The following CEP85L variants were observed in gnomAD, a reference collection of about 807,000 sequenced individuals.
The protein encoded by CEP85L is centrosomal protein of 85 kDa-like.
Under a neutral mutation model 100.3 loss-of-function variants are expected in CEP85L, and 60 were observed. The ratio of observed to expected loss-of-function variants is 0.60; its 90% confidence interval spans 0.49 to 0.74. The LOEUF (loss-of-function observed/expected upper bound fraction) is 0.74. Among genes scored for constraint, CEP85L ranks in the 30% least tolerant of loss-of-function variants. CEP85L has a pLI of 0.00. For missense variants in CEP85L, 973 were observed against 936.2 expected (o/e 1.04, Z -0.51); for synonymous variants, 319 against 322.7 (o/e 0.99, Z 0.12).
chr6:118,611,089 A>G (rs965890154), intron 2 of CEP85L, among the ~76,000 whole-genome samples: 6 of 152,176 alleles, frequency 3.9e-5, no homozygotes, highest in African/African-American at 1.4e-4. Flanking sequence ...AAAGGAAGAA[A>G]AAACACAAGA....
intron 6 of CEP85L, 24 bp downstream of exon 6, chr6:118,491,662 T>C (rs1774582436): frequency 6.2e-7 from 1 of 1,601,106 alleles, no homozygotes; most frequent in Admixed American, 1.7e-5. Context: ...GTTGACCTAA[T>C]TCAACTTTAT....
intron 1 of CEP85L, among the ~76,000 whole-genome samples, chr6:118,689,849 C>A (rs966703882): frequency 6.6e-6 from 1 of 151,874 alleles, no homozygotes; most frequent in African/African-American, 2.4e-5. Context: ...TATCTTCCCC[C>A]CTTCAGTGGA....
Position 118,480,522 on chromosome 6 carries a change from A to C in CEP85L, c.1746-9T>G, listed in dbSNP as rs775337232. ...CTACTTTTTGTTGCAAACTATTTCA[A>C]AAGACAATTATATGAAGAAAATAAG... On this transcript the variant is annotated splice_polypyrimidine_tract_variant and intron_variant, in intron 8 of 12. Coordinates refer to ENST00000368491, the MANE Select transcript of CEP85L (RefSeq NM_001042475.3). 5.9e-6 allele frequency: 9 copies of C among 1,530,092 alleles called. No individual in the cohort carries two copies. The Middle Eastern group carries it at 5.1e-4, about 86-fold the overall frequency. The allele number at this position is 1,530,092 out of a possible 1,614,324, so 94.8% of individuals were successfully genotyped here.
intron 3 of CEP85L, among the ~76,000 whole-genome samples, chr6:118,552,703 C>T (rs556181230): frequency 2.6e-5 from 4 of 150,988 alleles, no homozygotes; most frequent in Admixed American, 6.6e-5. Context: ...GAGGAAAGGA[C>T]GACAACCAAA....
chr6:118,519,291 T>C (rs1169840288), intron 4 of CEP85L, among the ~76,000 whole-genome samples: 5 of 151,672 alleles, frequency 3.3e-5, no homozygotes, highest in Admixed American at 2.6e-4. Context: ...CTGTCTCTAC[T>C]AAAAATACAG....
chr6:118,565,667 T>TA lies in CEP85L; in HGVS notation c.881dup (p.Arg295LysfsTer18). ...GCTCTGTAAGCCACATCTGAGTCCTTACGGAAGGCTGAATGGGAACTCCAC... is the reference window on the plus strand; with the variant it reads ...GCTCTGTAAGCCACATCTGAGTCCTTAACGGAAGGCTGAATGGGAACTCCAC... On this transcript the variant is annotated frameshift_variant, in exon 3 of 13. Coordinates refer to ENST00000368491, the MANE Select transcript of CEP85L (RefSeq NM_001042475.3). LOFTEE classifies it high-confidence loss of function. 6.2e-7 allele frequency: 1 copy of TA among 1,614,188 alleles called. No individual in the cohort carries two copies. Among genetic ancestry groups the TA allele is most frequent in the Non-Finnish European group, 8.5e-7 (1 of 1,180,034 alleles).
chr6:118,489,220 T>TCA (rs1182059995), intron 6 of CEP85L, among the ~76,000 whole-genome samples: 1 of 142,440 alleles, frequency 7.0e-6, no homozygotes, highest in East Asian at 2.1e-4. Flanking sequence ...TGAGCCAAGA[T>TCA]CACACCATTG....
At chr6:118,585,876 C>A (rs1053626950) in intron 2 of CEP85L, among the ~76,000 whole-genome samples, 3 of 152,100 alleles carry the variant, frequency 2.0e-5, no homozygotes, top group Admixed American at 6.5e-5. Flanking sequence ...CACCCACATG[C>A]CAAAGACAAA....
At chr6:118,547,709 AT>A (rs1778287657) in intron 3 of CEP85L, among the ~76,000 whole-genome samples, 1 of 152,178 alleles carries the variant, frequency 6.6e-6, no homozygotes, top group Non-Finnish European at 1.5e-5. Flanking sequence ...AAATACATTT[AT>A]TAGTTCTTTA....
chr6:118,670,609 T>C (rs1776275081), intron 1 of CEP85L, among the ~76,000 whole-genome samples: 1 of 151,756 alleles, frequency 6.6e-6, no homozygotes, highest in Admixed American at 6.6e-5. Flanking sequence ...TTCTGTAATC[T>C]CCTGGCTAGC....
In CEP85L at chr6:118,628,556, G is replaced by A. The variant is rs74492011; in HGVS notation, c.232+3897C>T. On this transcript the variant is annotated intron_variant, in intron 2 of 12. Transcript: ENST00000368491. ...ATAATTATTTAATTAAAAAAAAAAG[G>A]AGAAGAAGGCAGAGGCTGCAGCCAG... Among the ~76,000 whole-genome samples the A allele has an allele frequency of 3.7e-3, 558 of 150,118 alleles. 3 individuals are homozygous for A. Among genetic ancestry groups the A allele is most frequent in the African/African-American group, 0.013 (531 of 40,864 alleles).
intron 5 of CEP85L, chr6:118,502,173 A>C (rs570764357): frequency 2.9e-6 from 3 of 1,048,434 alleles, no homozygotes; most frequent in East Asian, 2.4e-5. Flanking sequence ...AAGAGGATAA[A>C]AGGAACAAAG....
intron 1 of CEP85L, among the ~76,000 whole-genome samples, chr6:118,686,839 T>C (rs2114287128): frequency 6.6e-6 from 1 of 152,308 alleles, no homozygotes; most frequent in Non-Finnish European, 1.5e-5. Context: ...GCAACCAGAA[T>C]GGACTTTTTA....
intron 3 of CEP85L, among the ~76,000 whole-genome samples, chr6:118,549,338 T>C (rs1323375333): frequency 1.3e-5 from 2 of 151,930 alleles, no homozygotes; most frequent in Non-Finnish European, 2.9e-5. Flanking sequence ...ATCAATTTTA[T>C]GACTTCTGTT....
chr6:118,621,770 G>A (rs1019607369), intron 2 of CEP85L, among the ~76,000 whole-genome samples: 5 of 152,290 alleles, frequency 3.3e-5, no homozygotes, highest in East Asian at 1.9e-4. Flanking sequence ...GCTTATCCTC[G>A]CCCTAAGACA....
At chr6:118,584,728 G>A (rs1017856902) in intron 2 of CEP85L, among the ~76,000 whole-genome samples, 1 of 152,210 alleles carries the variant, frequency 6.6e-6, no homozygotes, top group Non-Finnish European at 1.5e-5. Flanking sequence ...CATTGCCTCA[G>A]TGGCTCTGTT....
intron 2 of CEP85L, among the ~76,000 whole-genome samples, chr6:118,595,462 T>C (rs1781415023): frequency 6.6e-6 from 1 of 152,224 alleles, no homozygotes; most frequent in East Asian, 1.9e-4. Context: ...TAGAATCCCT[T>C]CGCTGCTGAG....
At chr6:118,656,164 G>A (rs898549687), upstream of CEP85L, among the ~76,000 whole-genome samples, 19 of 152,214 alleles carry the variant, frequency 1.2e-4, no homozygotes, top group Non-Finnish European at 1.8e-4. Context: ...CAGTTTGAGT[G>A]TAGGAAGAAA....
chr6:118,542,919 A>AAAAAAAAAAAAAC (rs1562245143), intron 3 of CEP85L, among the ~76,000 whole-genome samples: 28 of 150,866 alleles, frequency 1.9e-4, no homozygotes, highest in African/African-American at 6.6e-4. Context: ...AAAAAAAAAA[A>AAAAAAAAAAAAAC]AAAACAGGAT....
Sources: allele counts gnomAD v4.1 joint callset (sites outside exome capture counted in the v4.1 genomes callset), GRCh38; gene constraint gnomAD v4.1.1; transcripts MANE v1.5; gene names NCBI Gene and HGNC (gene_info 2026-07-23, HGNC 2026-07-21).